The following COL2A1 variants were observed in gnomAD, a reference collection of about 807,000 sequenced individuals.
COL2A1 encodes the protein collagen type II alpha 1 chain, also known as collagen alpha-1(II) chain.
COL2A1 carries 28 observed loss-of-function variants against 204.5 expected under a neutral mutation model. The observed-to-expected ratio is 0.14, with a 90% CI of 0.10 to 0.19. The LOEUF (loss-of-function observed/expected upper bound fraction) is 0.19, where lower values mean the gene tolerates loss of function less well. Among genes scored for constraint, COL2A1 ranks in the 10% least tolerant of loss-of-function variants. The probability of loss-of-function intolerance (pLI) is 1.00; values close to 1 mark genes in which losing one functional copy is unlikely to be tolerated. For missense variants in COL2A1, 1,388 were observed against 2,027.5 expected (o/e 0.68, Z 6.06); for synonymous variants, 708 against 718.7 (o/e 0.99, Z 0.24).
chr12:47,977,890 C>A, intron 44 of COL2A1, 120 bp downstream of exon 44: 1 of 1,042,178 alleles, frequency 9.6e-7, no homozygotes, highest in Non-Finnish European at 1.5e-6. Flanking sequence ...GGCCTGTCGG[C>A]CGACACTGCC....
intron 1 of COL2A1, among the ~76,000 whole-genome samples, chr12:48,001,605 G>A (rs1294828964): frequency 6.6e-6 from 1 of 152,208 alleles, no homozygotes; most frequent in African/African-American, 2.4e-5. Context: ...CAGATTTCCC[G>A]GGGAAGGGCG....
At position 47,976,096 on chromosome 12, in the gene COL2A1, AAG is replaced by A; in HGVS notation, c.3490-28_3490-27del. 1 of 1,549,956 alleles carries A rather than the reference AAG, an allele frequency of 6.5e-7. No homozygotes were observed. Among genetic ancestry groups the A allele is most frequent in the Non-Finnish European group, 8.9e-7 (1 of 1,121,694 alleles). ...CTGCAAGAGAGAGAGGTCGTGAGGA[AAG>A]AGTGGTCACCACAGGGAAGGCTGGG... On this transcript the variant is annotated intron_variant, in intron 49 of 53. Coordinates refer to ENST00000380518, the MANE Select transcript of COL2A1 (RefSeq NM_001844.5). The surrounding 1 kb of genome is among the most constrained non-coding windows in gnomAD (Gnocchi z 4.3).
chr12:48,004,557 C>T (rs897549220), upstream of COL2A1: 13 of 474,238 alleles, frequency 2.7e-5, no homozygotes, highest in African/African-American at 4.2e-5. Context: ...GCGGGCCGCC[C>T]CCTGCCCCCC....
In COL2A1 at chr12:47,976,168, A is replaced by G; in HGVS notation, c.3490-98T>C. Reference sequence around the variant, plus strand: ...GGTGGCTGTCCTGATAGCACCAGCCACTCCGCCCCCAGTTCTTCACATGCT... The same window carrying G: ...GGTGGCTGTCCTGATAGCACCAGCCGCTCCGCCCCCAGTTCTTCACATGCT... On this transcript the variant is annotated intron_variant, in intron 49 of 53. Coordinates refer to ENST00000380518, the MANE Select transcript of COL2A1 (RefSeq NM_001844.5). This position sits in a 1 kb window ranked among gnomAD's most constrained non-coding sequence, Gnocchi z 4.3. 1 of 855,744 alleles carries G rather than the reference A, an allele frequency of 1.2e-6. No individual in the cohort carries two copies. The highest frequency in any genetic ancestry group is 2.4e-5 in the East Asian group (1 of 41,176). 53.0% of individuals were successfully genotyped at this position (855,744 alleles called of 1,614,324 possible). A position where few individuals can be genotyped will look rare whatever the true frequency, so the allele number is the denominator to read the frequency against.
intron 16 of COL2A1, 53 bp from the exon 17 acceptor site, chr12:47,989,858 C>G: frequency 6.4e-7 from 1 of 1,553,290 alleles, no homozygotes; most frequent in Non-Finnish European, 8.9e-7. Flanking sequence ...CCTGTCCGTC[C>G]CTGCTCCCAG....
intron 28 of COL2A1, 57 bp downstream of exon 28, chr12:47,984,489 C>G: frequency 6.3e-7 from 1 of 1,576,452 alleles, no homozygotes; most frequent in Non-Finnish European, 8.7e-7. Context: ...GTTCCCCTGT[C>G]CTCCCTGCAG....
rs371161302 is a variant in COL2A1 at position 47,981,891 on chromosome 12, G to A, written c.2356-62C>T. 3.6e-4 allele frequency: 551 copies of A among 1,517,588 alleles called. 2 individuals carry two copies. Among genetic ancestry groups the A allele is most frequent in the Middle Eastern group, 3.2e-3 (17 of 5,366 alleles). The allele number at this position is 1,517,588 out of a possible 1,614,324, so 94.0% of individuals were successfully genotyped here. A position where few individuals can be genotyped will look rare whatever the true frequency, so the allele number is the denominator to read the frequency against. ...TGAGCCAGCCGAGCACGTGCGGCCC[G>A]GCACCAAGCCAACCTTGGTGCGTGC... is the stretch of plus-strand genomic sequence containing the variant. On this transcript the variant is annotated intron_variant, in intron 35 of 53. Coordinates refer to ENST00000380518, the MANE Select transcript of COL2A1 (RefSeq NM_001844.5).
At position 47,978,079 on chromosome 12, in the gene COL2A1, T is replaced by G. The variant is rs760300416; in HGVS notation, c.3042A>C (p.Gly1014=). ...PGKQGAPGAS[G]DRGPPGPVGP... ...CCACGGGGCCAGGAGGACCTCTGTC[T>G]CCAGATGCTCCAGGAGCACCCTGCT... The change falls in exon 44 of 54, where the codon GGA becomes GGC. Residue 1014 remains glycine (G), a synonymous_variant. Transcript: ENST00000380518. This position sits in a 1 kb window ranked among gnomAD's most constrained non-coding sequence, Gnocchi z 5.5. The G allele has an allele frequency of 4.3e-6, 7 of 1,613,620 alleles. No individual in the cohort carries two copies.
Position 47,976,372 on chromosome 12 carries a change from T to A in COL2A1, c.3489+142A>T, listed in dbSNP as rs1938707164. On this transcript the variant is annotated intron_variant, in intron 49 of 53. Coordinates refer to ENST00000380518, the MANE Select transcript of COL2A1 (RefSeq NM_001844.5). This position sits in a 1 kb window ranked among gnomAD's most constrained non-coding sequence, Gnocchi z 4.3. The stretch of plus-strand genomic sequence containing the variant: ...AGGCGCTTTTCTGGCCATAGGCACA[T>A]GAGCCAGTCCTGCCCCCATTACTGA... 5.3e-6 allele frequency: 5 copies of A among 938,380 alleles called. No individual in the cohort carries two copies. The highest frequency in any genetic ancestry group is 8.5e-6 in the Non-Finnish European group (5 of 585,372). 58.1% of individuals were successfully genotyped at this position (938,380 alleles called of 1,614,324 possible).
At position 47,987,848 on chromosome 12, in the gene COL2A1, C is replaced by CAGG; in HGVS notation, c.1123-140_1123-139insCCT. On this transcript the variant is annotated intron_variant, in intron 18 of 53. Transcript: ENST00000380518. The surrounding 1 kb of genome is among the most constrained non-coding windows in gnomAD (Gnocchi z 4.1). ...ACCCAACCCTGCACATGAACATGTG[C>CAGG]GTTCACACACAGTTCACGCTGCCGT... is the stretch of plus-strand genomic sequence containing the variant. 2 of 703,822 alleles carry CAGG rather than the reference C, an allele frequency of 2.8e-6. No homozygotes were observed. Among genetic ancestry groups the CAGG allele is most frequent in the Non-Finnish European group, 5.1e-6 (2 of 395,422 alleles). 43.6% of individuals were successfully genotyped at this position (703,822 alleles called of 1,614,324 possible).
intron 34 of COL2A1, 67 bp downstream of exon 34, chr12:47,982,435 C>T (rs574551146): frequency 1.6e-5 from 21 of 1,338,396 alleles, no homozygotes; most frequent in South Asian, 8.2e-5. Flanking sequence ...GGAACGGAAG[C>T]GATCACAAGG....
rs145466031 is a variant in COL2A1, at chr12:47,979,719, C to T, written c.2680-155G>A. On this transcript the variant is annotated intron_variant, in intron 40 of 53. Coordinates refer to ENST00000380518, the MANE Select transcript of COL2A1 (RefSeq NM_001844.5). ...GATCCAGGGAGGGAGAAAGGGCCCC[C>T]GGGTCTGGTCATAGAAGCAGGCACA... Among the ~76,000 whole-genome samples, 637 of 152,270 alleles carry T rather than the reference C, an allele frequency of 4.2e-3. 2 individuals carry two copies. Among genetic ancestry groups the T allele is most frequent in the Non-Finnish European group, 6.6e-3 (448 of 68,000 alleles).
rs2136627427 is a variant in COL2A1, at chr12:47,997,864, T to A, written c.429+7A>T. On this transcript the variant is annotated splice_region_variant and intron_variant, in intron 6 of 53. Coordinates refer to ENST00000380518, the MANE Select transcript of COL2A1 (RefSeq NM_001844.5). ...ACCAGGGTCAAGCAGCATTGCTTTT[T>A]ACTCACTTTTTCACCTTTGTCACCA... 6.2e-7 allele frequency: 1 copy of A among 1,614,134 alleles called. No homozygotes were observed. Among genetic ancestry groups the A allele is most frequent in the East Asian group, 2.2e-5 (1 of 44,894 alleles).
At chr12:47,975,140 T>C (rs1465177244) in intron 51 of COL2A1, among the ~76,000 whole-genome samples, 177 bp downstream of exon 51, 1 of 152,154 alleles carries the variant, frequency 6.6e-6, no homozygotes, top group Non-Finnish European at 1.5e-5. Flanking sequence ...CAGGTAGCCA[T>C]GGCAGGACAG....
At chr12:47,998,392 A>C in intron 3 of COL2A1, 23 bp downstream of exon 3, 1 of 1,588,778 alleles carries the variant, frequency 6.3e-7, no homozygotes, top group Non-Finnish European at 8.6e-7. Context: ...AATATGAAAA[A>C]AGAAAAAGAA....
chr12:47,994,511 C>G (rs1441110326), intron 11 of COL2A1, 34 bp from the exon 12 acceptor site: 4 of 1,612,028 alleles, frequency 2.5e-6, no homozygotes. Context: ...CCAGCTTCCT[C>G]AGAGACGCAG....
At chr12:47,975,167 T>A in intron 51 of COL2A1, 150 bp downstream of exon 51, 1 of 1,091,506 alleles carries the variant, frequency 9.2e-7, no homozygotes. Context: ...GGGCTGCAGC[T>A]TCTCTGCTGT....
rs375778172 is a variant in COL2A1 at position 48,000,076 on chromosome 12, A to G, written c.135T>C (p.Asp45=). 5.7e-5 allele frequency: 92 copies of G among 1,613,586 alleles called. No homozygotes were observed. In the African/African-American group the frequency reaches 1.0e-3, roughly 18 times the overall value. ...VQDGQRYNDK[D]VWKPEPCRIC... ...TCCGGCAGGGCTCCGGCTTCCACAC[A>G]TCCTTATCATTATACCTCTGCCCAT... Residue 45 remains aspartate, a synonymous_variant, in exon 2 of 54, where the codon GAT becomes GAC. Transcript: ENST00000380518.
rs1339862998 is a variant in COL2A1, at chr12:47,974,079, C to T, written c.4317+10G>A. 3 of 1,614,194 alleles carry T rather than the reference C, an allele frequency of 1.9e-6. No homozygotes were observed. In the South Asian group the frequency reaches 3.3e-5, roughly 18 times the overall value. ...CACAGGCAGCTCTTCTCTCTGGCAG[C>T]CCCACTCACCGTGCAGCCATCCTTC... On this transcript the variant is annotated intron_variant, in intron 53 of 53. Coordinates refer to ENST00000380518, the MANE Select transcript of COL2A1 (RefSeq NM_001844.5).
Sources: gnomAD v4.1 joint callset for allele counts (sites outside exome capture counted in the v4.1 genomes callset) on GRCh38, gnomAD v4.1.1 for gene constraint, Gnocchi (gnomAD v3.1) non-coding constraint, MANE v1.5 for transcripts, NCBI Gene and HGNC (gene_info 2026-07-23, HGNC 2026-07-21) for gene names.